The following EIF2B4 variants were observed in gnomAD, a reference collection of about 807,000 sequenced individuals.
EIF2B4 encodes translation initiation factor eIF2B subunit delta.
A neutral mutation model predicts 66.7 loss-of-function variants in EIF2B4; 34 were observed. That is an observed-to-expected ratio of 0.51 (90% confidence interval 0.39 to 0.68). The LOEUF (loss-of-function observed/expected upper bound fraction) is 0.68, where lower values mean the gene tolerates loss of function less well. Ranked by LOEUF, EIF2B4 falls within the 30% of genes least tolerant of loss-of-function variation. The probability of loss-of-function intolerance (pLI) is 0.00; values close to 1 mark genes in which losing one functional copy is unlikely to be tolerated. For synonymous variants in EIF2B4, 278 were observed against 253.6 expected, an observed-to-expected ratio of 1.10 and a Z score of -0.92; for missense variants, 618 against 657.9, an observed-to-expected ratio of 0.94 and a Z score of 0.66.
chr2:27,367,428 A>G (rs777016486), intron 9 of EIF2B4, 29 bp downstream of exon 9: 2 of 1,612,724 alleles, frequency 1.2e-6, no homozygotes, highest in Non-Finnish European at 1.7e-6. Flanking sequence ...CCACAGGTGC[A>G]TGCCTTCCTT....
intron 8 of EIF2B4, 51 bp from the exon 9 acceptor site, chr2:27,367,610 A>G: frequency 6.2e-7 from 1 of 1,606,054 alleles, no homozygotes; most frequent in Non-Finnish European, 8.5e-7. Flanking sequence ...CACAACTTAC[A>G]AAGCCTTCAC....
chr2:27,370,172 A>T, intron 1 of EIF2B4, 112 bp downstream of exon 1: 2 of 1,544,808 alleles, frequency 1.3e-6, no homozygotes, highest in Non-Finnish European at 1.7e-6. Context: ...ACCGGAGCCC[A>T]GCGTGGCGCT....
At chr2:27,366,396 A>G in intron 11 of EIF2B4, 1 of 321,898 alleles carries the variant, frequency 3.1e-6, no homozygotes, top group South Asian at 2.9e-5. Flanking sequence ...TTTTTAAATA[A>G]TTGTGGCTGG....
chr2:27,369,788 A>G (rs1476431812), intron 2 of EIF2B4, 88 bp downstream of exon 2: 1 of 1,493,832 alleles, frequency 6.7e-7, no homozygotes, highest in Non-Finnish European at 9.0e-7. Context: ...AAATAAACCG[A>G]CACGGGATGG....
chr2:27,367,185 C>G lies in EIF2B4; in HGVS notation c.902G>C (p.Arg301Pro). ...KREEEAKSEL[R>P]AAIDRYVQEK... ...TTGCACATACCGATCAATGGCTGCT[C>G]GAAGTTCTGACTTGGCCTAAATGGA... is the stretch of plus-strand genomic sequence containing the variant. The change falls in exon 10 of 13, where the codon CGA becomes CCA. Residue 301 changes from arginine to proline, a missense_variant. By Grantham distance (103) the Arg-to-Pro change is moderately radical. This residue lies in a region of EIF2B4 where 506 missense variants were observed against 511.9 expected (regional missense o/e 0.99). Transcript: ENST00000347454. The G allele has an allele frequency of 6.2e-7, 1 of 1,614,084 alleles. No homozygotes were observed. The highest frequency in any genetic ancestry group is 8.5e-7 in the Non-Finnish European group (1 of 1,180,038).
Position 27,370,096 on chromosome 2 carries a change from G to A in EIF2B4, c.32-177C>T, listed in dbSNP as rs895035683. On this transcript the variant is annotated intron_variant, in intron 1 of 12. Transcript: ENST00000347454. ...GCGCGGCGGATCAAAGGAATGGAGG[G>A]GTCACCGACCCTCCTCACAGCAACC... 3.2e-5 allele frequency: 49 copies of A among 1,510,588 alleles called. 1 individual carries two copies. The highest frequency in any genetic ancestry group is 1.7e-4 in the Middle Eastern group (1 of 5,796). The allele number at this position is 1,510,588 out of a possible 1,614,324, so 93.6% of individuals were successfully genotyped here.
At chr2:27,369,733 C>G (rs187870573) in intron 2 of EIF2B4, 143 bp downstream of exon 2, 1 of 1,436,764 alleles carries the variant, frequency 7.0e-7, no homozygotes, top group African/African-American at 1.4e-5. Flanking sequence ...AATCATATAT[C>G]CCTAGGGTTG....
intron 10 of EIF2B4, 21 bp from the exon 11 acceptor site, chr2:27,366,957 G>T: frequency 6.2e-7 from 1 of 1,614,040 alleles, no homozygotes; most frequent in South Asian, 1.1e-5. Context: ...TGAAGAGGAG[G>T]ATTCAGTTAT....
Position 27,370,322 on chromosome 2 carries a change from A to G in EIF2B4, c.-8T>C, listed in dbSNP as rs1399508132. 2 of 1,542,180 alleles carry G rather than the reference A, an allele frequency of 1.3e-6. No individual in the cohort carries two copies. Among genetic ancestry groups the G allele is most frequent in the African/African-American group, 2.7e-5 (2 of 73,162 alleles). On this transcript the variant is annotated 5_prime_UTR_variant, in exon 1 of 13. Coordinates refer to ENST00000347454, the MANE Select transcript of EIF2B4 (RefSeq NM_001034116.2). ...CACGGCCACAGCAGCCATCGCCCTCAGTCCTAGGCTCCGCCCGCCGTGGTC... is the reference window on the plus strand; with the variant it reads ...CACGGCCACAGCAGCCATCGCCCTCGGTCCTAGGCTCCGCCCGCCGTGGTC...
rs1572603541 is a variant in EIF2B4, at chr2:27,366,836, T to C, written c.1114A>G (p.Thr372Ala). Residue 372 changes from threonine to alanine, a missense_variant, in exon 11 of 13, where the codon ACA becomes GCA. By Grantham distance (58) the Thr-to-Ala change is moderately conservative. Around this residue, in one of 4 missense-constraint regions of EIF2B4, gnomAD observed 506 missense variants for 511.9 expected, o/e 0.99. Transcript: ENST00000347454. ...CCAGCATGGACTAGAGAACGTAGTG[T>C]GTGCCTTCCTTCCAGCCATGGCCGG... is the stretch of plus-strand genomic sequence containing the variant. ...DSRPWLEGRHTLRSLVHAGVP... is the reference protein window; with the variant it reads ...DSRPWLEGRHALRSLVHAGVP... 3 of 1,614,214 alleles carry C rather than the reference T, an allele frequency of 1.9e-6. No individual in the cohort carries two copies. Among genetic ancestry groups the C allele is most frequent in the East Asian group, 2.2e-5 (1 of 44,886 alleles).
chr2:27,369,996 C>A, intron 1 of EIF2B4, 77 bp from the exon 2 acceptor site: 2 of 1,537,512 alleles, frequency 1.3e-6, no homozygotes, highest in Non-Finnish European at 1.8e-6. Context: ...TCGGCGCAGC[C>A]GGCTGCTGGG....
rs1276795326 is a variant in EIF2B4, at chr2:27,366,775, G to A, written c.1175C>T (p.Ser392Phe). The change falls in exon 11 of 13, where the codon TCC (serine) becomes TTC (phenylalanine). Residue 392 changes from serine (S) to phenylalanine (F), a missense_variant. Transcript: ENST00000347454. ...PASYLLIPAA[S>F]YVLPEVSKVL... is the part of the protein sequence containing the mutation. ...TGTACTTACCTCTGGGAGCACATAG[G>A]AGGCTGCAGGAATCAGCAGGTAGGA... is the stretch of plus-strand genomic sequence containing the variant. 1.2e-6 allele frequency: 2 copies of A among 1,614,190 alleles called. No individual in the cohort carries two copies. The highest frequency in any genetic ancestry group is 1.7e-5 in the Admixed American group (1 of 60,016).
In EIF2B4 at chr2:27,365,017, G is replaced by A. The variant is rs1434755616; in HGVS notation, c.1192-119C>T. Reference sequence around the variant, plus strand: ...TAATAAATCTCAACACCTGTGAAAAGAAGGGAAAGAAACAAAAACAGACAA... The same window carrying A: ...TAATAAATCTCAACACCTGTGAAAAAAAGGGAAAGAAACAAAAACAGACAA... On this transcript the variant is annotated intron_variant, in intron 11 of 12. Coordinates refer to ENST00000347454, the MANE Select transcript of EIF2B4 (RefSeq NM_001034116.2). 3.0e-6 allele frequency: 3 copies of A among 1,000,724 alleles called. 1 individual carries two copies. Among genetic ancestry groups the A allele is most frequent in the South Asian group, 2.9e-5 (2 of 68,516 alleles). The allele number at this position is 1,000,724 out of a possible 1,614,324, so 62.0% of individuals were successfully genotyped here.
rs774281750 is a variant in EIF2B4, at chr2:27,367,513, T to A, written c.829A>T (p.Ile277Phe). Reference protein sequence around the residue: ...RPLSASMHNAIKFLNKEITSV... With the variant: ...RPLSASMHNAFKFLNKEITSV... ...GTGATTTCCTTGTTAAGGAACTTGATGGCGTTGTGCATGCTCGCTGACAGG... is the reference window on the plus strand; with the variant it reads ...GTGATTTCCTTGTTAAGGAACTTGAAGGCGTTGTGCATGCTCGCTGACAGG... Residue 277 changes from isoleucine (I) to phenylalanine (F), a missense_variant, in exon 9 of 13, where the codon ATC becomes TTC. Ile to Phe is a conservative substitution (Grantham distance 21). This residue lies in a region of EIF2B4 where 506 missense variants were observed against 511.9 expected (regional missense o/e 0.99). Coordinates refer to ENST00000347454, the MANE Select transcript of EIF2B4 (RefSeq NM_001034116.2). 9.3e-6 allele frequency: 15 copies of A among 1,614,180 alleles called. No individual in the cohort carries two copies. The highest frequency in any genetic ancestry group is 1.3e-5 in the Non-Finnish European group (15 of 1,180,036).
chr2:27,364,881 C>T lies in EIF2B4; in HGVS notation c.1209G>A (p.Leu403=), dbSNP rs2148368638. 1 of 1,614,070 alleles carries T rather than the reference C, an allele frequency of 6.2e-7. No individual in the cohort carries two copies. Among genetic ancestry groups the T allele is most frequent in the Admixed American group, 1.7e-5 (1 of 60,018 alleles). Residue 403 remains leucine, a synonymous_variant, in exon 12 of 13, where the codon TTG becomes TTA. Transcript: ENST00000347454. Reference sequence around the variant, plus strand: ...CGTTGGCCAAGAGTGCATGAGCTCCCAATAGCACCTTGGAAACCTGTTTCA... The same window carrying T: ...CGTTGGCCAAGAGTGCATGAGCTCCTAATAGCACCTTGGAAACCTGTTTCA... The part of the protein sequence containing the change: ...YVLPEVSKVL[L]GAHALLANGS...
rs750621545 is a variant in EIF2B4 at position 27,367,761 on chromosome 2, A to T, written c.767T>A (p.Leu256Gln). ...EELSRDLVNK[L>Q]KPYMSFLTQC... ...TTGTCCCTACCTCATGTAGGGTTTT[A>T]GTTTATTCACTAGATCCCTGGAGAG... is the stretch of plus-strand genomic sequence containing the variant. The change falls in exon 8 of 13, where the codon CTA (leucine) becomes CAA (glutamine). Residue 256 changes from leucine to glutamine, a missense_variant. Physicochemically the swap from Leu to Gln is moderately radical, Grantham distance 113. Around this residue, in one of 4 missense-constraint regions of EIF2B4, gnomAD observed 506 missense variants for 511.9 expected, o/e 0.99. Coordinates refer to ENST00000347454, the MANE Select transcript of EIF2B4 (RefSeq NM_001034116.2). The T allele has an allele frequency of 6.2e-7, 1 of 1,614,008 alleles. No homozygotes were observed. Among genetic ancestry groups the T allele is most frequent in the African/African-American group, 1.3e-5 (1 of 75,016 alleles).
rs777786550 is a variant in EIF2B4, at chr2:27,368,644, C to G, written c.498+10G>C. ...GCTCTTTCTAGCCAGGCACCAAACC[C>G]ACTTCCTACCTGTTGACGCTCTGGT... On this transcript the variant is annotated intron_variant, in intron 5 of 12. Coordinates refer to ENST00000347454, the MANE Select transcript of EIF2B4 (RefSeq NM_001034116.2). The G allele has an allele frequency of 1.5e-5, 24 of 1,614,072 alleles. No individual in the cohort carries two copies. Among genetic ancestry groups the G allele is most frequent in the Non-Finnish European group, 2.0e-5 (24 of 1,180,050 alleles).
At position 27,366,860 on chromosome 2, in the gene EIF2B4, G is replaced by A; in HGVS notation, c.1090C>T (p.Arg364Trp). 3 of 1,614,158 alleles carry A rather than the reference G, an allele frequency of 1.9e-6. No individual in the cohort carries two copies. The highest frequency in any genetic ancestry group is 2.5e-6 in the Non-Finnish European group (3 of 1,180,036). ...GTGTGCCTTCCTTCCAGCCATGGCCGGCTGTCCACCACTACCACCCGAAAC... is the reference window on the plus strand; with the variant it reads ...GTGTGCCTTCCTTCCAGCCATGGCCAGCTGTCCACCACTACCACCCGAAAC... ...RRFRVVVVDS[R>W]PWLEGRHTLR... Residue 364 changes from arginine to tryptophan, a missense_variant, in exon 11 of 13, where the codon CGG becomes TGG. By Grantham distance (101) the Arg-to-Trp change is moderately radical (BLOSUM62 -3). Around this residue, in one of 4 missense-constraint regions of EIF2B4, gnomAD observed 506 missense variants for 511.9 expected, o/e 0.99. Transcript: ENST00000347454.
At chr2:27,368,930 G>A (rs1682092208) in intron 4 of EIF2B4, 76 bp downstream of exon 4, 1 of 1,560,742 alleles carries the variant, frequency 6.4e-7, no homozygotes, top group Non-Finnish European at 8.8e-7. Context: ...AGAGGGGAGA[G>A]CTGTTTTACT....
Sources: gnomAD v4.1 joint callset for allele counts on GRCh38, gnomAD v4.1.1 for gene constraint, gnomAD v4.1.1 regional missense constraint, MANE v1.5 for transcripts, NCBI Gene and HGNC (gene_info 2026-07-23, HGNC 2026-07-21) for gene names.